Variants in HEPH observed in about 807,000 individuals in gnomAD.
HEPH encodes the protein hephaestin.
In HEPH, 69 loss-of-function variants were observed where a neutral mutation model predicts 80.8. That is an observed-to-expected ratio of 0.85 (90% CI 0.70 to 1.04). HEPH has a LOEUF of 1.04. HEPH is among the 50% of genes least tolerant of loss of function. HEPH has a pLI of 0.00. For missense variants in HEPH, 1,115 were observed against 891.3 expected (o/e 1.25, Z -3.20); for synonymous variants, 431 against 322.8 (o/e 1.34, Z -3.60).
chrX:66,191,998 C>G (rs2087817219), intron 6 of HEPH, 132 bp from the exon 7 acceptor site: 1 of 596,874 alleles, frequency 1.7e-6, no homozygotes, highest in Non-Finnish European at 2.5e-6. Context: ...AGAAAGCGGC[C>G]CATTTTGGAG....
chrX:66,251,008 C>A (rs2090984072), intron 15 of HEPH, among the ~76,000 whole-genome samples: 1 of 111,710 alleles, frequency 9.0e-6, no homozygotes, highest in African/African-American at 3.3e-5. Flanking sequence ...ATCAGCCTCC[C>A]GAGTAGCTGG....
At chrX:66,166,418 C>A (rs2086369127) in intron 1 of HEPH, among the ~76,000 whole-genome samples, 1 of 111,494 alleles carries the variant, frequency 9.0e-6, no homozygotes, top group Admixed American at 9.5e-5. Flanking sequence ...TGGTCTTGAA[C>A]TCCCGATCTC....
At chrX:66,259,674 C>T (rs1007809835) in intron 18 of HEPH, among the ~76,000 whole-genome samples, 5 of 107,474 alleles carry the variant, frequency 4.7e-5, no homozygotes, top group African/African-American at 1.4e-4. Flanking sequence ...GATTTAGCTT[C>T]GGTGGGTGGG....
chrX:66,200,618 G>T lies in HEPH; in HGVS notation c.1943G>T (p.Gly648Val), dbSNP rs1457460089. ...GACACAGTGGCCTGGCACCTGCTCG[G>T]CCTGGGCACAGAGACTGATGTGCAT... The part of the protein sequence containing the change: ...KGDTVAWHLL[G>V]LGTETDVHGV... The change falls in exon 12 of 21, where the codon GGC (glycine) becomes GTC (valine). Residue 648 changes from glycine to valine, a missense_variant. By Grantham distance (109) the Gly-to-Val change is moderately radical (BLOSUM62 -3). Transcript: ENST00000343002. 1 of 1,210,877 alleles carries T rather than the reference G, an allele frequency of 8.3e-7. No homozygotes were observed. The highest frequency in any genetic ancestry group is 1.1e-6 in the Non-Finnish European group (1 of 895,006).
intron 9 of HEPH, among the ~76,000 whole-genome samples, chrX:66,196,821 G>GT (rs769551308): frequency 1.6e-3 from 173 of 109,995 alleles, no homozygotes; most frequent in African/African-American, 5.3e-3. Context: ...TGAACATTCA[G>GT]TATTTATTGC....
intron 15 of HEPH, among the ~76,000 whole-genome samples, chrX:66,217,710 G>A (rs753292630): frequency 3.6e-5 from 4 of 111,524 alleles, no homozygotes; most frequent in African/African-American, 1.3e-4. Context: ...AATGTAAATG[G>A]CCTAAATGCT....
intron 15 of HEPH, among the ~76,000 whole-genome samples, chrX:66,238,330 C>T (rs1005183260): frequency 1.8e-5 from 2 of 111,434 alleles, no homozygotes; most frequent in East Asian, 2.8e-4. Context: ...ATTCCCTTGA[C>T]ATTTGCTTAT....
chrX:66,202,976 G>GTA (rs1159886565), intron 12 of HEPH, among the ~76,000 whole-genome samples: 9 of 95,017 alleles, frequency 9.5e-5, no homozygotes, highest in Admixed American at 3.5e-4. Context: ...TTTTATATAT[G>GTA]TATATATATA....
chrX:66,201,950 G>A (rs1057386164), intron 12 of HEPH, among the ~76,000 whole-genome samples: 1 of 112,324 alleles, frequency 8.9e-6, no homozygotes, highest in Non-Finnish European at 1.9e-5. Context: ...AAAGAAATGA[G>A]TAGACCCTTT....
chrX:66,178,503 C>A (rs772737213), intron 4 of HEPH, among the ~76,000 whole-genome samples: 64 of 112,325 alleles, frequency 5.7e-4, no homozygotes, highest in Non-Finnish European at 3.8e-5. Flanking sequence ...AGTTCTAGAT[C>A]CTTGAGGAAT....
chrX:66,228,306 T>C (rs2089976383), intron 15 of HEPH, among the ~76,000 whole-genome samples: 1 of 112,720 alleles, frequency 8.9e-6, no homozygotes, highest in Non-Finnish European at 1.9e-5. Context: ...ACATGAATTA[T>C]AGGAGCTACA....
intron 4 of HEPH, among the ~76,000 whole-genome samples, chrX:66,179,919 TC>T (rs1851362698): frequency 8.9e-6 from 1 of 111,780 alleles, no homozygotes; most frequent in Non-Finnish European, 1.9e-5. Flanking sequence ...ACTTTTGGTT[TC>T]CTTTTGCACG....
At chrX:66,226,966 G>T (rs1350211340) in intron 15 of HEPH, among the ~76,000 whole-genome samples, 1 of 111,009 alleles carries the variant, frequency 9.0e-6, no homozygotes, top group Non-Finnish European at 1.9e-5. Context: ...CCAAAACCAG[G>T]AAAGGACACA....
At chrX:66,191,063 A>G (rs896075724) in intron 6 of HEPH, among the ~76,000 whole-genome samples, 22 of 111,719 alleles carry the variant, frequency 2.0e-4, no homozygotes, top group Non-Finnish European at 3.8e-4. Flanking sequence ...TAAAAATGTG[A>G]TTTTGGATCT....
chrX:66,188,413 T>C lies in HEPH; in HGVS notation c.680T>C (p.Phe227Ser). 1 of 1,204,620 alleles carries C rather than the reference T, an allele frequency of 8.3e-7. No individual in the cohort carries two copies. The highest frequency in any genetic ancestry group is 2.3e-4 in the Middle Eastern group (1 of 4,347). ...PQRQDVDHDF[F>S]LLFSVVDENL... is the part of the protein sequence containing the mutation. Reference sequence around the variant, plus strand: ...CGCCAGGATGTAGACCATGATTTCTTCCTCCTCTTCAGTGTGGTAGATGAG... The same window carrying C: ...CGCCAGGATGTAGACCATGATTTCTCCCTCCTCTTCAGTGTGGTAGATGAG... Residue 227 changes from phenylalanine to serine, a missense_variant, in exon 5 of 21, where the codon TTC becomes TCC. Coordinates refer to ENST00000343002, the MANE Select transcript of HEPH (RefSeq NM_001367233.3).
intron 15 of HEPH, among the ~76,000 whole-genome samples, chrX:66,228,693 T>A (rs756982255): frequency 7.3e-5 from 8 of 109,171 alleles, no homozygotes; most frequent in Non-Finnish European, 1.5e-4. Flanking sequence ...AGAAAAAAAA[T>A]CCCATCAAAA....
chrX:66,170,504 G>T (rs867714981), intron 1 of HEPH, 54 bp from the exon 2 acceptor site: 1 of 1,072,646 alleles, frequency 9.3e-7, no homozygotes, highest in African/African-American at 1.8e-5. Context: ...CACGTAGAAA[G>T]CCCCTTTGTT....
intron 15 of HEPH, among the ~76,000 whole-genome samples, chrX:66,226,143 A>T (rs771815408): frequency 8.9e-6 from 1 of 111,972 alleles, no homozygotes; most frequent in African/African-American, 3.2e-5. Flanking sequence ...CAGATAACAT[A>T]ACCGATTAGG....
At chrX:66,188,026 G>C (rs747630403) in intron 4 of HEPH, among the ~76,000 whole-genome samples, 1 of 111,142 alleles carries the variant, frequency 9.0e-6, no homozygotes, top group South Asian at 3.9e-4. Context: ...GGAGGATTTT[G>C]CTGATAATAG....
Sources: gnomAD v4.1 joint callset for allele counts (sites outside exome capture counted in the v4.1 genomes callset) on GRCh38, gnomAD v4.1.1 for gene constraint, MANE v1.5 for transcripts, NCBI Gene and HGNC (gene_info 2026-07-23, HGNC 2026-07-21) for gene names.